ABCC4: variants seen among roughly 807,000 people sequenced by gnomAD.
ABCC4 encodes the protein ATP-binding cassette sub-family C member 4.
In ABCC4, 102 loss-of-function variants were observed where a neutral mutation model predicts 168.5. The observed-to-expected ratio is 0.61, with a 90% CI of 0.52 to 0.71. The LOEUF is 0.71. Ranked by LOEUF, ABCC4 falls within the 30% of genes least tolerant of loss-of-function variation. The pLI, the probability that ABCC4 is intolerant of heterozygous loss-of-function variation, is 0.00. For synonymous variants in ABCC4, 617 were observed against 590.7 expected, an observed-to-expected ratio of 1.04 and a Z score of -0.65; for missense variants, 1,402 against 1,605.8, an observed-to-expected ratio of 0.87 and a Z score of 2.17.
At chr13:95,246,628 TGA>T (rs938522000) in intron 3 of ABCC4, among the ~76,000 whole-genome samples, 2 of 152,222 alleles carry the variant, frequency 1.3e-5, no homozygotes, top group African/African-American at 4.8e-5. Context: ...GATCCTCTTT[TGA>T]CCAGGAGTGA....
At chr13:95,071,575 C>T (rs1249916547) in intron 25 of ABCC4, 87 bp downstream of exon 25, 5 of 1,165,212 alleles carry the variant, frequency 4.3e-6, no homozygotes, top group African/African-American at 1.6e-5. Context: ...ATCACTGATC[C>T]CCTTCACACA....
In ABCC4 at chr13:95,250,987, T is replaced by C. The variant is rs552459470; in HGVS notation, c.75-3234A>G. ...ATTTTTGATAGAGACCAGGTCTCTC[T>C]ATGTTGCCCAGGCTGGTATCGAACT... On this transcript the variant is annotated intron_variant, in intron 1 of 30. Coordinates refer to ENST00000645237, the MANE Select transcript of ABCC4 (RefSeq NM_005845.5). Among the ~76,000 whole-genome samples the C allele has an allele frequency of 1.8e-4, 27 of 152,198 alleles. No individual in the cohort carries two copies. In the South Asian group the frequency reaches 5.2e-3, roughly 29 times the overall value.
chr13:95,234,675 A>G lies in ABCC4; in HGVS notation c.466T>C (p.Phe156Leu). The G allele has an allele frequency of 6.2e-7, 1 of 1,614,156 alleles. No homozygotes were observed. Among genetic ancestry groups the G allele is most frequent in the Non-Finnish European group, 8.5e-7 (1 of 1,180,018 alleles). Residue 156 changes from phenylalanine (F) to leucine (L), a missense_variant, in exon 4 of 31, where the codon TTT (phenylalanine) becomes CTT (leucine). Around this residue, in one of 3 missense-constraint regions of ABCC4, gnomAD observed 317 missense variants for 345.5 expected, o/e 0.92. Transcript: ENST00000645237. ...LILAILHHLY[F>L]YHVQCAGMRL... ...ATCCCAGCACACTGAACGTGATAAA[A>G]ATATAAGTGATGCAGTATAGCCAAA...
At chr13:95,153,616 T>C (rs937286465) in intron 19 of ABCC4, among the ~76,000 whole-genome samples, 3 of 152,218 alleles carry the variant, frequency 2.0e-5, no homozygotes, top group African/African-American at 7.2e-5. Flanking sequence ...ACAAAGCACA[T>C]TCTTCCCTAG....
chr13:95,072,684 C>T (rs565515255), intron 24 of ABCC4, among the ~76,000 whole-genome samples: 11 of 152,182 alleles, frequency 7.2e-5, no homozygotes, highest in African/African-American at 2.6e-4. Flanking sequence ...AAACTAATAC[C>T]CTTTGACTAG....
At chr13:95,108,262 G>A (rs2035077742) in intron 20 of ABCC4, among the ~76,000 whole-genome samples, 2 of 152,276 alleles carry the variant, frequency 1.3e-5, no homozygotes, top group African/African-American at 2.4e-5. Context: ...CATATTAAAT[G>A]AGCATTATAT....
chr13:95,049,150 A>G (rs2032718453), intron 27 of ABCC4, among the ~76,000 whole-genome samples: 1 of 151,900 alleles, frequency 6.6e-6, no homozygotes, highest in African/African-American at 2.4e-5. Context: ...TGTGGCCAAC[A>G]TGGCAAAACC....
At chr13:95,289,393 T>C (rs2041336516) in intron 1 of ABCC4, among the ~76,000 whole-genome samples, 1 of 152,212 alleles carries the variant, frequency 6.6e-6, no homozygotes, top group South Asian at 2.1e-4. Context: ...TTTGTCAGAC[T>C]TGACTCAGTT....
intron 20 of ABCC4, among the ~76,000 whole-genome samples, chr13:95,108,282 T>C (rs1320029479): frequency 2.0e-5 from 3 of 152,206 alleles, no homozygotes; most frequent in Non-Finnish European, 4.4e-5. Flanking sequence ...TGACTTTCTA[T>C]AGGGAGATGG....
chr13:95,196,684 GGAAGGAAGGAAGGAAGGAAGGAA>G (rs2038456682), intron 8 of ABCC4, among the ~76,000 whole-genome samples: 1 of 50,860 alleles, frequency 2.0e-5, no homozygotes, highest in Non-Finnish European at 4.2e-5. Context: ...AAGGAAGGAA[GGAAGGAAGGAAGGAAGGAAGGAA>G]GGAAGGAAGG....
At chr13:95,029,491 C>T (rs2031765448) in intron 30 of ABCC4, among the ~76,000 whole-genome samples, 4 of 151,938 alleles carry the variant, frequency 2.6e-5, no homozygotes, top group Admixed American at 1.3e-4. Flanking sequence ...GGCAGAGGAA[C>T]TGCGTGATGA....
chr13:95,188,304 C>A, intron 10 of ABCC4, 149 bp downstream of exon 10: 1 of 712,166 alleles, frequency 1.4e-6, no homozygotes, highest in South Asian at 1.7e-5. Context: ...TGTGACCCTT[C>A]TTGCAAAACG....
chr13:95,164,593 G>A (rs780324783), intron 15 of ABCC4, 75 bp from the exon 16 acceptor site: 5 of 1,524,942 alleles, frequency 3.3e-6, no homozygotes, highest in Non-Finnish European at 4.5e-6. Flanking sequence ...GCACTCTGTT[G>A]ACAAAGCTGT....
intron 26 of ABCC4, among the ~76,000 whole-genome samples, chr13:95,058,567 C>CAA (rs1165324016): frequency 4.8e-4 from 30 of 62,774 alleles, no homozygotes; most frequent in East Asian, 2.9e-3. Flanking sequence ...GACTCCATCT[C>CAA]AAAAAAAAAA....
At chr13:95,239,107 T>C (rs868052395) in intron 3 of ABCC4, among the ~76,000 whole-genome samples, 1 of 148,282 alleles carries the variant, frequency 6.7e-6, no homozygotes, top group African/African-American at 2.5e-5. Flanking sequence ...TAAAAAAAAA[T>C]AGTTTGAAAA....
intron 19 of ABCC4, among the ~76,000 whole-genome samples, chr13:95,143,035 A>C (rs1378212589): frequency 2.0e-5 from 3 of 152,140 alleles, no homozygotes; most frequent in Non-Finnish European, 4.4e-5. Context: ...TAGCTATATA[A>C]ATAAAACAAG....
At chr13:95,048,568 A>G (rs2032692058) in intron 27 of ABCC4, among the ~76,000 whole-genome samples, 1 of 152,370 alleles carries the variant, frequency 6.6e-6, no homozygotes, top group Non-Finnish European at 1.5e-5. Flanking sequence ...AGCGAGCGGA[A>G]GCCCATTCTG....
chr13:95,218,641 C>T (rs114513462), intron 4 of ABCC4, among the ~76,000 whole-genome samples: 4,743 of 151,908 alleles, frequency 0.031, 263 homozygotes, highest in African/African-American at 0.11. Flanking sequence ...CACATGAGCC[C>T]AGGAGTTCAA....
chr13:95,161,309 CA>C lies in ABCC4; in HGVS notation c.2334del (p.Phe778LeufsTer3). 5 of 1,591,304 alleles carry C rather than the reference CA, an allele frequency of 3.1e-6. No individual in the cohort carries two copies. The highest frequency in any genetic ancestry group is 2.3e-5 in the East Asian group (1 of 43,940). ...YSGLTVATVLFGIARSLLVFY... is the reference protein window; with the variant it reads ...YSGLTVATVLXGIARSLLVFY... ...AATACCAATAGAGATCTTGCTATGC[CA>C]AAAAGAACGGTAGCTACAGTTAAAC... On this transcript the variant is annotated frameshift_variant, in exon 19 of 31. Transcript: ENST00000645237. LOFTEE classifies it high-confidence loss of function.
Sources: gnomAD v4.1 joint callset for allele counts (sites outside exome capture counted in the v4.1 genomes callset) on GRCh38, gnomAD v4.1.1 for gene constraint, gnomAD v4.1.1 regional missense constraint, MANE v1.5 for transcripts, NCBI Gene and HGNC (gene_info 2026-07-23, HGNC 2026-07-21) for gene names.